The following INPP5B variants were observed in gnomAD, a reference collection of about 807,000 sequenced individuals.
INPP5B encodes the protein type II inositol 1,4,5-trisphosphate 5-phosphatase.
In INPP5B, 90 loss-of-function variants were observed where a neutral mutation model predicts 118.5. The observed-to-expected ratio is 0.76, with a 90% CI of 0.64 to 0.90. The LOEUF (loss-of-function observed/expected upper bound fraction) is 0.90, where lower values mean the gene tolerates loss of function less well. Among genes scored for constraint, INPP5B ranks in the 40% least tolerant of loss-of-function variants. The pLI is 0.00. For missense variants in INPP5B, 984 were observed against 1,125.6 expected (o/e 0.87, Z 1.80); for synonymous variants, 385 against 418.9 (o/e 0.92, Z 0.99).
At chr1:37,894,396 G>A (rs1643941001) in intron 7 of INPP5B, among the ~76,000 whole-genome samples, 1 of 152,028 alleles carries the variant, frequency 6.6e-6, no homozygotes, top group South Asian at 2.1e-4. Flanking sequence ...TTTCTTCCCA[G>A]TTAGACTGTA....
intron 19 of INPP5B, among the ~76,000 whole-genome samples, chr1:37,871,286 C>T (rs536685397): frequency 8.6e-5 from 13 of 151,240 alleles, no homozygotes; most frequent in African/African-American, 2.9e-4. Context: ...GGCAAAACCC[C>T]GTCTCTATAG....
At chr1:37,937,752 G>C (rs570600200) in intron 6 of INPP5B, among the ~76,000 whole-genome samples, 1 of 151,528 alleles carries the variant, frequency 6.6e-6, no homozygotes, top group South Asian at 2.1e-4. Context: ...GGGCGACAGA[G>C]CCAGACTTTG....
At chr1:37,919,425 G>T (rs973842902) in intron 7 of INPP5B, among the ~76,000 whole-genome samples, 2 of 152,128 alleles carry the variant, frequency 1.3e-5, no homozygotes, top group Admixed American at 6.5e-5. Flanking sequence ...AAACTGACCG[G>T]ATTAAGTGAG....
Position 37,945,795 on chromosome 1 carries a change from A to C in INPP5B, c.113T>G (p.Leu38Arg), listed in dbSNP as rs771001361. The change falls in exon 3 of 24, where the codon CTC becomes CGC. Residue 38 changes from leucine (L) to arginine (R), a missense_variant. Transcript: ENST00000373024. ...GDSRQSRLLG[L>R]VRYRLEHGGQ... ...GCCGTGCTCCAGGCGGTAGCGCACGAGTCCCAGGAGGCGGCTCTGCCGGCT... is the reference window on the plus strand; with the variant it reads ...GCCGTGCTCCAGGCGGTAGCGCACGCGTCCCAGGAGGCGGCTCTGCCGGCT... 1 of 1,614,052 alleles carries C rather than the reference A, an allele frequency of 6.2e-7. No homozygotes were observed. The highest frequency in any genetic ancestry group is 1.7e-5 in the Admixed American group (1 of 60,016).
At chr1:37,883,683 G>A (rs1000097446) in intron 13 of INPP5B, 31 of 985,262 alleles carry the variant, frequency 3.1e-5, no homozygotes, top group Middle Eastern at 5.2e-4. Flanking sequence ...GATGCTGCAG[G>A]TTCACCAGAA....
intron 7 of INPP5B, among the ~76,000 whole-genome samples, chr1:37,909,646 A>G (rs1250006126): frequency 6.6e-6 from 1 of 152,186 alleles, no homozygotes; most frequent in Non-Finnish European, 1.5e-5. Context: ...CCCTAGACCC[A>G]GAGGGGCCAG....
chr1:37,868,341 G>A (rs973307099), intron 20 of INPP5B, among the ~76,000 whole-genome samples, 160 bp downstream of exon 20: 2 of 151,484 alleles, frequency 1.3e-5, no homozygotes, highest in Non-Finnish European at 2.9e-5. Context: ...AAATAGCAGG[G>A]TCTCCCAGGA....
In INPP5B at chr1:37,865,853, G is replaced by A. The variant is rs1310548515; in HGVS notation, c.2422C>T (p.Leu808Phe). ...GGCTCTGGAAGGCTCTCCAGGAAAA[G>A]CAGCAGGGCTTCGGCTACAGAATGA... is the stretch of plus-strand genomic sequence containing the variant. Reference protein sequence around the residue: ...SNHSVAEALLLFLESLPEPVI... With the variant: ...SNHSVAEALLFFLESLPEPVI... Residue 808 changes from leucine (L) to phenylalanine (F), a missense_variant, in exon 22 of 24, where the codon CTT becomes TTT. Leu to Phe is a conservative substitution (Grantham distance 22). This residue lies in a region of INPP5B where 634 missense variants were observed against 791.0 expected (regional missense o/e 0.80). Transcript: ENST00000373024. 2.5e-6 allele frequency: 4 copies of A among 1,613,626 alleles called. No homozygotes were observed. The highest frequency in any genetic ancestry group is 1.7e-6 in the Non-Finnish European group (2 of 1,179,754).
At chr1:37,925,337 C>T (rs1220553853) in intron 7 of INPP5B, among the ~76,000 whole-genome samples, 1 of 152,082 alleles carries the variant, frequency 6.6e-6, no homozygotes, top group Non-Finnish European at 1.5e-5. Context: ...AAAGTCTCTT[C>T]TCATTCATAT....
rs61751229 is a variant in INPP5B at position 37,945,855 on chromosome 1, G to C, written c.58-5C>G. 1 of 1,613,662 alleles carries C rather than the reference G, an allele frequency of 6.2e-7. No individual in the cohort carries two copies. The highest frequency in any genetic ancestry group is 1.1e-5 in the South Asian group (1 of 91,074). On this transcript the variant is annotated splice_region_variant and splice_polypyrimidine_tract_variant and intron_variant, in intron 2 of 23. Coordinates refer to ENST00000373024, the MANE Select transcript of INPP5B (RefSeq NM_005540.3). ...ACACAGCACACCTTGCACCGCCTGC[G>C]GCTCAGAGTCAAGGGAAGACAACCC...
At chr1:37,885,493 G>A (rs1371238181) in intron 13 of INPP5B, 145 bp downstream of exon 13, 1 of 604,232 alleles carries the variant, frequency 1.7e-6, no homozygotes, top group Non-Finnish European at 2.9e-6. Flanking sequence ...ATTTTCAAGA[G>A]ATATAATCCA....
At chr1:37,906,775 G>A (rs781341269) in intron 7 of INPP5B, among the ~76,000 whole-genome samples, 1 of 151,142 alleles carries the variant, frequency 6.6e-6, no homozygotes, top group Non-Finnish European at 1.5e-5. Context: ...CAGGAGGATT[G>A]CCTGAACCCA....
intron 8 of INPP5B, 27 bp from the exon 9 acceptor site, chr1:37,889,751 T>C: frequency 2.5e-6 from 4 of 1,568,952 alleles, no homozygotes; most frequent in South Asian, 2.3e-5. Context: ...ATTTTTTTCA[T>C]ATGTGGATGA....
intron 7 of INPP5B, among the ~76,000 whole-genome samples, chr1:37,897,534 A>G (rs996661504): frequency 4.6e-5 from 7 of 150,738 alleles, no homozygotes; most frequent in Non-Finnish European, 7.4e-5. Flanking sequence ...GCTTGAAGGC[A>G]GCATGCTCCT....
rs948052762 is a variant in INPP5B, at chr1:37,866,613, A to C, written c.2302-70T>G. Reference sequence around the variant, plus strand: ...ATCATCAATGATTTCCTGACCTGGCAATATCAATAGCAGAATGCAAAAAGG... The same window carrying C: ...ATCATCAATGATTTCCTGACCTGGCCATATCAATAGCAGAATGCAAAAAGG... On this transcript the variant is annotated intron_variant, in intron 20 of 23. Coordinates refer to ENST00000373024, the MANE Select transcript of INPP5B (RefSeq NM_005540.3). 5.0e-5 allele frequency: 45 copies of C among 908,588 alleles called. No homozygotes were observed. In the Middle Eastern group the frequency reaches 8.5e-4, roughly 17 times the overall value. The allele number at this position is 908,588 out of a possible 1,614,324, so 56.3% of individuals were successfully genotyped here.
In INPP5B at chr1:37,874,159, G is replaced by A; in HGVS notation, c.1789-4C>T. 1 of 1,555,446 alleles carries A rather than the reference G, an allele frequency of 6.4e-7. No individual in the cohort carries two copies. Among genetic ancestry groups the A allele is most frequent in the South Asian group, 1.2e-5 (1 of 85,546 alleles). ...ACTTCACATTCTGAAAACAGAACTG[G>A]GAAGAAGCCCGGGGCCAGTGAAAAC... On this transcript the variant is annotated splice_polypyrimidine_tract_variant and splice_region_variant and intron_variant, in intron 17 of 23. Transcript: ENST00000373024.
rs1328443783 is a variant in INPP5B, at chr1:37,880,129, C to T, written c.1497G>A (p.Gln499=). The change falls in exon 15 of 24, where the codon CAG becomes CAA. Residue 499 remains glutamine, a synonymous_variant. Transcript: ENST00000373024. ...AGCCCGTATCATACTTGTAAGTAGG[C>T]TGGAATGTGAGCTCACCCTCTGTGA... ...EGFTEGELTF[Q]PTYKYDTGSD... 1.9e-6 allele frequency: 3 copies of T among 1,611,962 alleles called. No individual in the cohort carries two copies. In the South Asian group the frequency reaches 3.3e-5, roughly 18 times the overall value.
intron 16 of INPP5B, among the ~76,000 whole-genome samples, chr1:37,877,823 T>C (rs1207927493): frequency 6.6e-6 from 1 of 152,164 alleles, no homozygotes; most frequent in African/African-American, 2.4e-5. Flanking sequence ...TCCTAAGACA[T>C]ATTCAGTCAG....
chr1:37,865,247 GT>G, intron 22 of INPP5B, among the ~76,000 whole-genome samples: 1 of 152,042 alleles, frequency 6.6e-6, no homozygotes, highest in East Asian at 1.9e-4. Flanking sequence ...TTATTGGCAA[GT>G]TTTCTAGATT....
Sources: gnomAD v4.1 joint callset for allele counts (sites outside exome capture counted in the v4.1 genomes callset) on GRCh38, gnomAD v4.1.1 for gene constraint, gnomAD v4.1.1 regional missense constraint, MANE v1.5 for transcripts, NCBI Gene and HGNC (gene_info 2026-07-23, HGNC 2026-07-21) for gene names.